Variants in CARMIL3 observed in about 807,000 individuals in gnomAD.
The protein encoded by CARMIL3 is capping protein, Arp2/3 and myosin-I linker protein 3.
Under a neutral mutation model 180.8 loss-of-function variants are expected in CARMIL3, and 88 were observed. That is an observed-to-expected ratio of 0.49 (90% CI 0.41 to 0.58). The LOEUF is 0.58. Among genes scored for constraint, CARMIL3 ranks in the 20% least tolerant of loss-of-function variants. The probability of loss-of-function intolerance (pLI) is 0.00; values close to 1 mark genes in which losing one functional copy is unlikely to be tolerated. For missense variants in CARMIL3, 1,548 were observed against 1,787.0 expected, an observed-to-expected ratio of 0.87 and a Z score of 2.41; for synonymous variants, 696 against 714.5, an observed-to-expected ratio of 0.97 and a Z score of 0.41.
At chr14:24,064,460 T>C in intron 32 of CARMIL3, 114 bp downstream of exon 32, 1 of 776,322 alleles carries the variant, frequency 1.3e-6, no homozygotes, top group South Asian at 1.5e-5. Flanking sequence ...AAAGCCAGTC[T>C]CTGTGAGAAA....
intron 32 of CARMIL3, 83 bp from the exon 33 acceptor site, chr14:24,064,875 A>G: frequency 2.1e-6 from 3 of 1,395,854 alleles, no homozygotes; most frequent in Admixed American, 2.0e-5. Flanking sequence ...AGGGGAGACC[A>G]GATGAGAGGA....
chr14:24,052,022 T>G lies in CARMIL3; in HGVS notation c.-132T>G. ...GGAGGAGCGCTCAAGCAGCCGCCCC[T>G]GACCGGAGCGGGCTCGGCCGCTGCT... On this transcript the variant is annotated 5_prime_UTR_variant, in exon 1 of 40. Transcript: ENST00000342740. The G allele has an allele frequency of 2.3e-6, 2 of 856,008 alleles. No homozygotes were observed. The allele number at this position is 856,008 out of a possible 1,614,324, so 53.0% of individuals were successfully genotyped here.
At chr14:24,055,021 C>T in intron 6 of CARMIL3, 45 bp from the exon 7 acceptor site, 1 of 1,598,902 alleles carries the variant, frequency 6.3e-7, no homozygotes, top group Non-Finnish European at 8.6e-7. Context: ...AGCCTATTCC[C>T]CATCTCCTTA....
chr14:24,069,436 C>A lies in CARMIL3; in HGVS notation c.*32C>A. On this transcript the variant is annotated 3_prime_UTR_variant, in exon 40 of 40. Transcript: ENST00000342740. ...CCACAACACCCTCCTCAGCCCTCGACATGTGCCTCGCAAGGACTCAGACCC... is the reference window on the plus strand; with the variant it reads ...CCACAACACCCTCCTCAGCCCTCGAAATGTGCCTCGCAAGGACTCAGACCC... 1 of 1,614,058 alleles carries A rather than the reference C, an allele frequency of 6.2e-7. No homozygotes were observed. Among genetic ancestry groups the A allele is most frequent in the Non-Finnish European group, 8.5e-7 (1 of 1,179,952 alleles).
At position 24,059,248 on chromosome 14, in the gene CARMIL3, C is replaced by T. The variant is rs1224767286; in HGVS notation, c.1627-22C>T. On this transcript the variant is annotated intron_variant, in intron 20 of 39. Coordinates refer to ENST00000342740, the MANE Select transcript of CARMIL3 (RefSeq NM_138360.4). The surrounding 1 kb of genome is among the most constrained non-coding windows in gnomAD (Gnocchi z 6.3). ...CGGAGGAGGCTGTGGGGACTGGGTC[C>T]AACCGCCCCTTGCCCACACAGTCCC... 1 of 1,613,816 alleles carries T rather than the reference C, an allele frequency of 6.2e-7. No homozygotes were observed. The highest frequency in any genetic ancestry group is 1.1e-5 in the South Asian group (1 of 91,074).
Position 24,068,920 on chromosome 14 carries a change from G to A in CARMIL3, c.3936G>A (p.Arg1312=). ...GDAAPGVNKP[R]LRLSSQQDQE... is the part of the protein sequence containing the mutation. ...CAGCTCCAGGAGTCAACAAACCCCGGCTGAGGCTGAGCTCACAGCAAGACC... is the reference window on the plus strand; with the variant it reads ...CAGCTCCAGGAGTCAACAAACCCCGACTGAGGCTGAGCTCACAGCAAGACC... Residue 1312 remains arginine (R), a synonymous_variant, in exon 38 of 40, where the codon CGG becomes CGA. Coordinates refer to ENST00000342740, the MANE Select transcript of CARMIL3 (RefSeq NM_138360.4). 1 of 1,587,580 alleles carries A rather than the reference G, an allele frequency of 6.3e-7. No individual in the cohort carries two copies. Among genetic ancestry groups the A allele is most frequent in the Non-Finnish European group, 8.6e-7 (1 of 1,166,748 alleles).
At chr14:24,055,818 G>A (rs1211733069) in intron 10 of CARMIL3, 29 bp downstream of exon 10, 4 of 1,602,210 alleles carry the variant, frequency 2.5e-6, no homozygotes, top group Non-Finnish European at 3.4e-6. Context: ...TTGGGCAGTA[G>A]TGCACCCTTG....
intron 14 of CARMIL3, 24 bp from the exon 15 acceptor site, chr14:24,057,779 G>T: frequency 6.2e-7 from 1 of 1,601,068 alleles, no homozygotes. Context: ...GCTCCCCTGA[G>T]ACCCACCATA....
At chr14:24,062,246 C>T in intron 27 of CARMIL3, 1 of 585,818 alleles carries the variant, frequency 1.7e-6, no homozygotes, top group Non-Finnish European at 3.0e-6. Flanking sequence ...TCCTCGAATT[C>T]CTCTTTCCCC....
chr14:24,057,950 C>G lies in CARMIL3; in HGVS notation c.1218-10C>G. 6.2e-7 allele frequency: 1 copy of G among 1,613,448 alleles called. No homozygotes were observed. The highest frequency in any genetic ancestry group is 8.5e-7 in the Non-Finnish European group (1 of 1,179,950). On this transcript the variant is annotated splice_polypyrimidine_tract_variant and intron_variant, in intron 15 of 39. Transcript: ENST00000342740. ...CCCCTCCCTCGCTGACCCCAGGGGT[C>G]TCTCCACAGGAAGGGTCGAGAGGCC...
At position 24,054,995 on chromosome 14, in the gene CARMIL3, C is replaced by T; in HGVS notation, c.461-71C>T. On this transcript the variant is annotated intron_variant, in intron 6 of 39. Coordinates refer to ENST00000342740, the MANE Select transcript of CARMIL3 (RefSeq NM_138360.4). This position sits in a 1 kb window ranked among gnomAD's most constrained non-coding sequence, Gnocchi z 5.1. ...GCACTGGCACATAAAGTGACCTTGA[C>T]TGTTCTTGAACCCCAAGCCTATTCC... The T allele has an allele frequency of 6.5e-7, 1 of 1,538,112 alleles. No homozygotes were observed. Among genetic ancestry groups the T allele is most frequent in the Admixed American group, 1.7e-5 (1 of 59,388 alleles).
chr14:24,061,881 G>A lies in CARMIL3; in HGVS notation c.2480+209G>A. The A allele has an allele frequency of 1.7e-6, 1 of 592,686 alleles. No individual in the cohort carries two copies. The highest frequency in any genetic ancestry group is 2.9e-6 in the Non-Finnish European group (1 of 343,356). 36.7% of individuals were successfully genotyped at this position (592,686 alleles called of 1,614,324 possible). On this transcript the variant is annotated intron_variant, in intron 27 of 39. Coordinates refer to ENST00000342740, the MANE Select transcript of CARMIL3 (RefSeq NM_138360.4). The surrounding 1 kb of genome is among the most constrained non-coding windows in gnomAD (Gnocchi z 4.1). Reference sequence around the variant, plus strand: ...TGCTGAGCTGGGGTTTAGGAGCCAAGTTTGTGCCCACACAGGTGTACACAC... The same window carrying A: ...TGCTGAGCTGGGGTTTAGGAGCCAAATTTGTGCCCACACAGGTGTACACAC...
At chr14:24,065,850 C>T (rs935555403) in intron 34 of CARMIL3, 100 bp downstream of exon 34, 7 of 1,506,346 alleles carry the variant, frequency 4.6e-6, no homozygotes, top group Non-Finnish European at 6.3e-6. Context: ...GTAGAGAAAG[C>T]AGATGCTTTG....
At chr14:24,062,024 C>T in intron 27 of CARMIL3, 2 of 324,064 alleles carry the variant, frequency 6.2e-6, no homozygotes, top group Non-Finnish European at 1.1e-5. Flanking sequence ...TTTTCATTGC[C>T]CCTAGAGTTC....
chr14:24,065,803 A>G, intron 34 of CARMIL3, 53 bp downstream of exon 34: 1 of 1,591,338 alleles, frequency 6.3e-7, no homozygotes, highest in African/African-American at 1.3e-5. Flanking sequence ...TCTGTCCACC[A>G]CCCTCTCCTT....
chr14:24,065,476 C>T (rs998499050), intron 33 of CARMIL3, 146 bp from the exon 34 acceptor site: 8 of 1,228,344 alleles, frequency 6.5e-6, no homozygotes, highest in East Asian at 4.9e-5. Context: ...CGAATGCAGG[C>T]GTTGGAAGGA....
chr14:24,055,469 C>T, intron 8 of CARMIL3, 74 bp from the exon 9 acceptor site: 1 of 1,565,648 alleles, frequency 6.4e-7, no homozygotes, highest in Admixed American at 1.7e-5. Context: ...GCCCAACCAC[C>T]CTATCCTTGG....
In CARMIL3 at chr14:24,063,384, T is replaced by C; in HGVS notation, c.2830T>C (p.Phe944Leu). Residue 944 changes from phenylalanine to leucine, a missense_variant, in exon 31 of 40, where the codon TTC becomes CTC. Around this residue, in one of 4 missense-constraint regions of CARMIL3, gnomAD observed 668 missense variants for 687.8 expected, o/e 0.97. Transcript: ENST00000342740. ...LGNLGIPPGW[F>L]SGLGGSQPTA... ...GAATCTGGGGATCCCCCCTGGCTGG[T>C]TCTCAGGACTTGGGGGCAGCCAGCC... 6.2e-7 allele frequency: 1 copy of C among 1,613,014 alleles called. No homozygotes were observed. Among genetic ancestry groups the C allele is most frequent in the Non-Finnish European group, 8.5e-7 (1 of 1,179,578 alleles).
chr14:24,056,324 G>T lies in CARMIL3; in HGVS notation c.796G>T (p.Val266Leu), dbSNP rs760259684. ...GGACTTTGTCCAGAAGCTGGCCGGG[G>T]TGTTTGGGGAGAACGGGAGCTGTGT... ...KTDFVQKLAGVFGENGSCVLH... is the reference protein window; with the variant it reads ...KTDFVQKLAGLFGENGSCVLH... Residue 266 changes from valine (V) to leucine (L), a missense_variant, in exon 11 of 40, where the codon GTG becomes TTG. Around this residue, in one of 4 missense-constraint regions of CARMIL3, gnomAD observed 578 missense variants for 666.5 expected, o/e 0.87. Transcript: ENST00000342740. 3.7e-6 allele frequency: 6 copies of T among 1,614,038 alleles called. No individual in the cohort carries two copies. Among genetic ancestry groups the T allele is most frequent in the Non-Finnish European group, 5.1e-6 (6 of 1,179,926 alleles).
Sources: allele counts gnomAD v4.1 joint callset, GRCh38; gene constraint gnomAD v4.1.1; regional missense constraint gnomAD v4.1.1; non-coding constraint Gnocchi (gnomAD v3.1); transcripts MANE v1.5; gene names NCBI Gene and HGNC (gene_info 2026-07-23, HGNC 2026-07-21).